The following ABCA8 variants were observed in gnomAD, a reference collection of about 807,000 sequenced individuals.
ABCA8 encodes the protein ABC-type organic anion transporter ABCA8.
ABCA8 carries 177 observed loss-of-function variants against 192.3 expected under a neutral mutation model. The observed-to-expected ratio is 0.92, with a 90% CI of 0.81 to 1.04. The LOEUF is 1.04. ABCA8 is among the 50% of genes least tolerant of loss of function. ABCA8 has a pLI of 0.00. For synonymous variants in ABCA8, 642 were observed against 690.2 expected (o/e 0.93, Z 1.09); for missense variants, 1,915 against 1,904.8 (o/e 1.01, Z -0.10).
At chr17:68,946,264 C>T (rs910375698) in intron 2 of ABCA8, among the ~76,000 whole-genome samples, 1 of 152,086 alleles carries the variant, frequency 6.6e-6, no homozygotes, top group Non-Finnish European at 1.5e-5. Flanking sequence ...GATGGGGTCT[C>T]ACCATATTGG....
At chr17:68,880,540 C>T (rs1053118879) in intron 32 of ABCA8, among the ~76,000 whole-genome samples, 1 of 152,166 alleles carries the variant, frequency 6.6e-6, no homozygotes, top group African/African-American at 2.4e-5. Context: ...GATCCCCGAG[C>T]CAGGGCTGTG....
intron 17 of ABCA8, among the ~76,000 whole-genome samples, chr17:68,908,590 G>A (rs1355343152): frequency 1.3e-5 from 2 of 152,216 alleles, no homozygotes; most frequent in African/African-American, 2.4e-5. Context: ...ATGGATGAAT[G>A]TGGTTTGCTT....
At chr17:68,886,593 C>G (rs931272732) in intron 26 of ABCA8, among the ~76,000 whole-genome samples, 4 of 152,130 alleles carry the variant, frequency 2.6e-5, no homozygotes, top group Non-Finnish European at 2.9e-5. Context: ...ACTATTTTAA[C>G]AAGTGGTTGC....
intron 32 of ABCA8, 31 bp from the exon 33 acceptor site, chr17:68,877,710 C>G (rs1294400761): frequency 3.2e-6 from 5 of 1,578,978 alleles, no homozygotes; most frequent in Non-Finnish European, 4.3e-6. Context: ...TCAGAACCTA[C>G]CTTCTGCACT....
chr17:68,935,202 C>A (rs991610851), intron 5 of ABCA8, among the ~76,000 whole-genome samples: 5 of 150,280 alleles, frequency 3.3e-5, no homozygotes, highest in African/African-American at 1.2e-4. Flanking sequence ...TCAAGCAATT[C>A]TCCTGCCTCA....
At chr17:68,952,522 A>AT (rs910630369) in intron 1 of ABCA8, among the ~76,000 whole-genome samples, 4 of 152,276 alleles carry the variant, frequency 2.6e-5, no homozygotes, top group African/African-American at 7.2e-5. Context: ...AAGTAGATTC[A>AT]TTTTTTACCA....
At chr17:68,936,859 G>T in intron 5 of ABCA8, 92 bp downstream of exon 5, 3 of 1,113,432 alleles carry the variant, frequency 2.7e-6, no homozygotes, top group Non-Finnish European at 3.7e-6. Flanking sequence ...AGATAGTGAT[G>T]CTCTAATTTG....
Position 68,935,363 on chromosome 17 carries a change from C to T in ABCA8, c.466+1588G>A, listed in dbSNP as rs191295750. 3.7e-4 allele frequency among the ~76,000 whole-genome samples: 56 copies of T among 151,030 alleles called. No homozygotes were observed. The East Asian group carries it at 7.0e-3, about 19-fold the overall frequency. The stretch of plus-strand genomic sequence containing the variant: ...AACTCTTGAGCTCAGGCAATCTGCC[C>T]GGCTTGGCCTCCCAAAGTGCTAGGA... On this transcript the variant is annotated intron_variant, in intron 5 of 39. Transcript: ENST00000586539.
In ABCA8 at chr17:68,894,927, C is replaced by A; in HGVS notation, c.2851G>T (p.Asp951Tyr). Residue 951 changes from aspartate (D) to tyrosine (Y), a missense_variant, in exon 22 of 40, where the codon GAT becomes TAT. Physicochemically the swap from Asp to Tyr is radical, Grantham distance 160. Coordinates refer to ENST00000586539, the MANE Select transcript of ABCA8 (RefSeq NM_001288985.2). The part of the protein sequence containing the change: ...VDAFGTRNGT[D>Y]DPSYNGAITV... ...ATGGCTCCATTATAAGATGGGTCAT[C>A]TGTGCCATTTCTAGTTCCAAATGCA... The A allele has an allele frequency of 6.2e-7, 1 of 1,613,708 alleles. No homozygotes were observed. The highest frequency in any genetic ancestry group is 8.5e-7 in the Non-Finnish European group (1 of 1,179,810).
At chr17:68,874,964 C>T (rs999961887) in intron 37 of ABCA8, among the ~76,000 whole-genome samples, 7 of 152,158 alleles carry the variant, frequency 4.6e-5, no homozygotes, top group Non-Finnish European at 8.8e-5. Flanking sequence ...ATACTCACAA[C>T]GCTTTTTTGA....
intron 37 of ABCA8, among the ~76,000 whole-genome samples, chr17:68,874,190 T>C (rs2066142605): frequency 6.6e-6 from 1 of 152,198 alleles, no homozygotes; most frequent in Non-Finnish European, 1.5e-5. Flanking sequence ...ACTGAATACT[T>C]GATCTTCAAC....
At position 68,948,338 on chromosome 17, in the gene ABCA8, T is replaced by C. The variant is rs563211738; in HGVS notation, c.-6+974A>G. Among the ~76,000 whole-genome samples the C allele has an allele frequency of 3.9e-5, 6 of 152,358 alleles. No individual in the cohort carries two copies. In the South Asian group the frequency reaches 1.0e-3, roughly 26 times the overall value. ...ATCGCCACACTGTCTTCCACAATGG[T>C]TGAACTAATTTACACTCCCACTAAC... On this transcript the variant is annotated intron_variant, in intron 2 of 39. Transcript: ENST00000586539.
rs780029037 is a variant in ABCA8 at position 68,918,078 on chromosome 17, G to A, written c.2016C>T (p.Thr672=). The part of the protein sequence containing the change: ...RKTDRVILFS[T]QFMDEADILA... ...GGATGTCGGCCTCATCCATGAACTG[G>A]GTACTGAAGAGGATCACGCGGTCTG... The change falls in exon 16 of 40, where the codon ACC becomes ACT. Residue 672 remains threonine, a synonymous_variant. Coordinates refer to ENST00000586539, the MANE Select transcript of ABCA8 (RefSeq NM_001288985.2). 6.2e-7 allele frequency: 1 copy of A among 1,614,012 alleles called. No homozygotes were observed. Among genetic ancestry groups the A allele is most frequent in the Admixed American group, 1.7e-5 (1 of 59,994 alleles).
At position 68,881,128 on chromosome 17, in the gene ABCA8, C is replaced by A; in HGVS notation, c.4030G>T (p.Ala1344Ser). The change falls in exon 32 of 40, where the codon GCT becomes TCT. Residue 1344 changes from alanine (A) to serine (S), a missense_variant. Coordinates refer to ENST00000586539, the MANE Select transcript of ABCA8 (RefSeq NM_001288985.2). ...CCACATAATTCACCTACTTGTCCAG[C>A]AGTTGGTTTTGTGTCTCCAGTTATC... ...KVITGDTKPTAGQVLLKGSGG... is the reference protein window; with the variant it reads ...KVITGDTKPTSGQVLLKGSGG... 4 of 1,607,358 alleles carry A rather than the reference C, an allele frequency of 2.5e-6. No homozygotes were observed. Among genetic ancestry groups the A allele is most frequent in the Non-Finnish European group, 2.6e-6 (3 of 1,173,986 alleles).
chr17:68,887,225 AG>A, intron 25 of ABCA8, 95 bp from the exon 26 acceptor site: 3 of 1,347,270 alleles, frequency 2.2e-6, no homozygotes, highest in Non-Finnish European at 3.0e-6. Context: ...AGGATTTTAT[AG>A]TTCTTTAATT....
At chr17:68,876,586 C>A (rs1313285899) in intron 34 of ABCA8, 32 bp from the exon 35 acceptor site, 1 of 1,614,022 alleles carries the variant, frequency 6.2e-7, no homozygotes, top group Non-Finnish European at 8.5e-7. Flanking sequence ...ATCTGGTTCC[C>A]ATCTATGGCA....
chr17:68,884,648 C>T, intron 27 of ABCA8: 1 of 1,184,222 alleles, frequency 8.4e-7, no homozygotes, highest in Non-Finnish European at 1.0e-6. Context: ...GCTAACCTCC[C>T]CAAACAGTGA....
intron 17 of ABCA8, among the ~76,000 whole-genome samples, chr17:68,916,132 T>C (rs1194125000): frequency 6.6e-6 from 1 of 151,760 alleles, no homozygotes; most frequent in African/African-American, 2.4e-5. Context: ...AGAAGGGTAG[T>C]GGGGTGGTGG....
At chr17:68,940,985 T>C (rs1158692465) in intron 3 of ABCA8, 23 bp from the exon 4 acceptor site, 1 of 1,538,950 alleles carries the variant, frequency 6.5e-7, no homozygotes, top group Non-Finnish European at 8.9e-7. Flanking sequence ...GGAAAAAAGA[T>C]AAAGAAAAGT....
Sources: allele counts gnomAD v4.1 joint callset (sites outside exome capture counted in the v4.1 genomes callset), GRCh38; gene constraint gnomAD v4.1.1; transcripts MANE v1.5; gene names NCBI Gene and HGNC (gene_info 2026-07-23, HGNC 2026-07-21).